Variants in PEMT observed in about 807,000 individuals in gnomAD.
PEMT encodes the protein phospholipid methyltransferase.
A neutral mutation model predicts 27.4 loss-of-function variants in PEMT; 23 were observed. The ratio of observed to expected loss-of-function variants is 0.84; its 90% CI spans 0.60 to 1.19. The LOEUF (loss-of-function observed/expected upper bound fraction) is 1.19. PEMT is among the 50% of genes most tolerant of loss of function. The pLI, the probability that PEMT is intolerant of heterozygous loss-of-function variation, is 0.00. For synonymous variants in PEMT, 137 were observed against 139.1 expected, an observed-to-expected ratio of 0.98 and a Z score of 0.11; for missense variants, 307 against 310.1, an observed-to-expected ratio of 0.99 and a Z score of 0.07.
intron 3 of PEMT, among the ~76,000 whole-genome samples, chr17:17,517,456 A>T (rs1267795965): frequency 6.6e-6 from 1 of 152,040 alleles, no homozygotes; most frequent in Non-Finnish European, 1.5e-5. Context: ...CATCAGCTCC[A>T]TGCCCTCCCT....
chr17:17,529,729 T>G (rs1266821319), intron 2 of PEMT, among the ~76,000 whole-genome samples: 20 of 152,096 alleles, frequency 1.3e-4, no homozygotes, highest in Non-Finnish European at 2.4e-4. Flanking sequence ...GCTCCCCGCC[T>G]CCTCCATTAT....
At chr17:17,529,725 C>T (rs1009847074) in intron 2 of PEMT, among the ~76,000 whole-genome samples, 8 of 152,212 alleles carry the variant, frequency 5.3e-5, no homozygotes, top group Non-Finnish European at 1.2e-4. Flanking sequence ...TTTTGCTCCC[C>T]GCCTCCTCCA....
At chr17:17,509,335 C>A in intron 5 of PEMT, 99 bp downstream of exon 5, 1 of 745,006 alleles carries the variant, frequency 1.3e-6, no homozygotes, top group Non-Finnish European at 2.3e-6. Context: ...TTCTTCCTTT[C>A]TCTCTCTCCA....
intron 2 of PEMT, among the ~76,000 whole-genome samples, chr17:17,552,741 C>T (rs1026622917): frequency 2.6e-5 from 4 of 151,706 alleles, no homozygotes; most frequent in Admixed American, 6.6e-5. Flanking sequence ...GCTGTCGTTT[C>T]GACATGGAGA....
chr17:17,546,115 G>A (rs901093790), intron 2 of PEMT, among the ~76,000 whole-genome samples: 7 of 152,062 alleles, frequency 4.6e-5, no homozygotes, highest in African/African-American at 1.7e-4. Flanking sequence ...AGGTGGGGCC[G>A]AGCCTCCCCA....
intron 2 of PEMT, among the ~76,000 whole-genome samples, chr17:17,560,883 T>C (rs1484312158): frequency 6.6e-6 from 1 of 151,882 alleles, no homozygotes. Context: ...AGCTTCCGCT[T>C]GTCCTTCCCG....
Position 17,522,226 on chromosome 17 carries a change from G to A in PEMT, c.320+54C>T, listed in dbSNP as rs147655774. Reference sequence around the variant, plus strand: ...TGAGGGATGAGGTACCACCAGTAGCGGCCCTCCCGCTAGCCCAGGGGTTGT... The same window carrying A: ...TGAGGGATGAGGTACCACCAGTAGCAGCCCTCCCGCTAGCCCAGGGGTTGT... On this transcript the variant is annotated intron_variant, in intron 3 of 6. Transcript: ENST00000255389. The A allele has an allele frequency of 4.3e-5, 56 of 1,305,908 alleles. No homozygotes were observed. In the East Asian group the frequency reaches 6.7e-4, roughly 16 times the overall value. The allele number at this position is 1,305,908 out of a possible 1,614,324, so 80.9% of individuals were successfully genotyped here.
rs1398772777 is a variant in PEMT, at chr17:17,512,607, G to GC, written c.367_368insG (p.Thr123SerfsTer35). The GC allele has an allele frequency of 6.3e-7, 1 of 1,598,742 alleles. No homozygotes were observed. The highest frequency in any genetic ancestry group is 8.5e-7 in the Non-Finnish European group (1 of 1,171,668). On this transcript the variant is annotated frameshift_variant, in exon 4 of 7. Transcript: ENST00000255389. LOFTEE classifies it high-confidence loss of function. The surrounding 1 kb of genome is among the most constrained non-coding windows in gnomAD (Gnocchi z 6.3). Reference sequence around the variant, plus strand: ...GAGGCCCAGGCTGTAGGCCGCGGGGGTGTCCAGGCTCTCCATCCTGGGCTG... The same window carrying GC: ...GAGGCCCAGGCTGTAGGCCGCGGGGGCTGTCCAGGCTCTCCATCCTGGGCTG...
At chr17:17,545,326 T>C (rs1376478523) in intron 2 of PEMT, among the ~76,000 whole-genome samples, 1 of 152,126 alleles carries the variant, frequency 6.6e-6, no homozygotes, top group African/African-American at 2.4e-5. Context: ...GTCCAGGGTG[T>C]GCCCGGAGGT....
chr17:17,541,872 C>T (rs1379415985), intron 2 of PEMT, among the ~76,000 whole-genome samples: 2 of 152,240 alleles, frequency 1.3e-5, no homozygotes, highest in Non-Finnish European at 2.9e-5. Flanking sequence ...GCTAAAACGA[C>T]AGGCCACAGA....
chr17:17,522,886 A>G (rs898812373), intron 2 of PEMT, among the ~76,000 whole-genome samples: 10 of 149,546 alleles, frequency 6.7e-5, no homozygotes, highest in African/African-American at 2.5e-4. Flanking sequence ...TGTCCATCAC[A>G]GGCGCAAAGC....
At chr17:17,571,784 T>C (rs1597951776) in intron 2 of PEMT, among the ~76,000 whole-genome samples, 1 of 151,746 alleles carries the variant, frequency 6.6e-6, no homozygotes, top group South Asian at 2.1e-4. Context: ...GCACAACTCA[T>C]GGCAGCCTCG....
chr17:17,551,315 G>A (rs1909638480), intron 2 of PEMT, among the ~76,000 whole-genome samples: 1 of 152,188 alleles, frequency 6.6e-6, no homozygotes, highest in Admixed American at 6.5e-5. Flanking sequence ...TTTTCATCAC[G>A]CATCAGTGTT....
chr17:17,541,202 T>C (rs540399276), intron 2 of PEMT, among the ~76,000 whole-genome samples: 6 of 152,206 alleles, frequency 3.9e-5, no homozygotes, highest in Non-Finnish European at 5.9e-5. Flanking sequence ...GGCCCAAGAC[T>C]GGGCATTACA....
Position 17,560,864 on chromosome 17 carries a change from C to T in PEMT, c.204+16056G>A, listed in dbSNP as rs147517617. On this transcript the variant is annotated intron_variant, in intron 2 of 6. Transcript: ENST00000255389. ...CCACCTCACCCCACCCTCACCTACA[C>T]GCTGCCTGAGCTTCCGCTTGTCCTT... 1.7e-3 allele frequency among the ~76,000 whole-genome samples: 256 copies of T among 152,024 alleles called. No homozygotes were observed. The Middle Eastern group carries it at 0.017, about 10-fold the overall frequency.
At chr17:17,580,856 G>C (rs115696668) in intron 1 of PEMT, among the ~76,000 whole-genome samples, 1 of 152,254 alleles carries the variant, frequency 6.6e-6, no homozygotes, top group African/African-American at 2.4e-5. Flanking sequence ...TTGCTCCCCA[G>C]GGCACAGCAA....
At chr17:17,587,101 A>G (rs1912354804) in intron 1 of PEMT, among the ~76,000 whole-genome samples, 1 of 152,102 alleles carries the variant, frequency 6.6e-6, no homozygotes. Flanking sequence ...CAAATTGAAA[A>G]CAGGAAAACA....
intron 2 of PEMT, among the ~76,000 whole-genome samples, chr17:17,550,674 C>T (rs58990997): frequency 0.02 from 3,015 of 152,260 alleles, 101 homozygotes; most frequent in East Asian, 0.1. Context: ...TTTTCCAGCC[C>T]GCTTATTCTA....
intron 2 of PEMT, among the ~76,000 whole-genome samples, chr17:17,528,276 C>T (rs1907840198): frequency 6.6e-6 from 1 of 152,202 alleles, no homozygotes; most frequent in South Asian, 2.1e-4. Flanking sequence ...CTGACTGGCC[C>T]CCTTTCCAGC....
Sources: allele counts gnomAD v4.1 joint callset (sites outside exome capture counted in the v4.1 genomes callset), GRCh38; gene constraint gnomAD v4.1.1; non-coding constraint Gnocchi (gnomAD v3.1); transcripts MANE v1.5; gene names NCBI Gene and HGNC (gene_info 2026-07-23, HGNC 2026-07-21).